SV2C: variants seen among roughly 807,000 people sequenced by gnomAD.
SV2C encodes synaptic vesicle glycoprotein 2C, also known as solute carrier family 22 member B3.
A neutral mutation model predicts 79.7 loss-of-function variants in SV2C; 49 were observed. That is an observed-to-expected ratio of 0.61 (90% CI 0.49 to 0.78). The LOEUF is 0.78. SV2C is among the 30% of genes least tolerant of loss of function. The pLI, the probability that SV2C is intolerant of heterozygous loss-of-function variation, is 0.00. For missense variants in SV2C, 833 were observed against 912.9 expected, an observed-to-expected ratio of 0.91 and a Z score of 1.13; for synonymous variants, 334 against 333.2, an observed-to-expected ratio of 1.00 and a Z score of -0.03.
At chr5:75,884,953 A>C in the SV2C span, among the ~76,000 whole-genome samples, 1 of 152,174 alleles carries the variant, frequency 6.6e-6, no homozygotes. Flanking sequence ...TTAAGATGCT[A>C]AATAACACTT....
the SV2C span, among the ~76,000 whole-genome samples, chr5:76,055,772 G>A: frequency 6.6e-6 from 1 of 152,054 alleles, no homozygotes; most frequent in Non-Finnish European, 1.5e-5. Context: ...GTTAATGGGA[G>A]TTCATTCATG....
At chr5:76,238,247 T>C (rs993113574) in intron 4 of SV2C, among the ~76,000 whole-genome samples, 11 of 152,084 alleles carry the variant, frequency 7.2e-5, no homozygotes, top group African/African-American at 2.2e-4. Flanking sequence ...AACCATTCTA[T>C]TGAGTTTTTA....
the SV2C span, among the ~76,000 whole-genome samples, chr5:76,071,331 C>T: frequency 2.6e-5 from 4 of 152,272 alleles, no homozygotes; most frequent in African/African-American, 9.6e-5. Context: ...ATAAAAGAAC[C>T]TGCAGTTCTG....
the SV2C span, chr5:75,910,966 C>A: frequency 2.2e-6 from 2 of 914,692 alleles, no homozygotes; most frequent in Non-Finnish European, 3.6e-6. Flanking sequence ...TCATTTATCC[C>A]CCAGTTCGAA....
At chr5:76,071,786 G>T in the SV2C span, among the ~76,000 whole-genome samples, 5 of 152,178 alleles carry the variant, frequency 3.3e-5, no homozygotes, top group Non-Finnish European at 7.4e-5. Flanking sequence ...CACTAATTTG[G>T]AGCAGGAAGA....
intron 1 of SV2C, among the ~76,000 whole-genome samples, chr5:76,110,017 A>G (rs915426510): frequency 2.6e-5 from 4 of 152,226 alleles, no homozygotes; most frequent in Admixed American, 2.6e-4. Context: ...ACATTTCATT[A>G]TGACCAGTCC....
Position 76,331,578 on chromosome 5 carries a change from A to G in SV2C, c.*6031A>G, listed in dbSNP as rs1183259196. On this transcript the variant is annotated 3_prime_UTR_variant, in exon 13 of 13. Coordinates refer to ENST00000502798, the MANE Select transcript of SV2C (RefSeq NM_014979.4). Reference sequence around the variant, plus strand: ...AGAGGGTAGTTGTCAGTGACCCTCTACCCTCCTCTGAGAGCCCCATTGCCA... The same window carrying G: ...AGAGGGTAGTTGTCAGTGACCCTCTGCCCTCCTCTGAGAGCCCCATTGCCA... 1 of 151,682 alleles carries G rather than the reference A, an allele frequency of 6.6e-6. No individual in the cohort carries two copies. Among genetic ancestry groups the G allele is most frequent in the African/African-American group, 2.4e-5 (1 of 41,200 alleles). 9.4% of individuals were successfully genotyped at this position (151,682 alleles called of 1,614,324 possible).
At chr5:76,245,737 G>C (rs886394193) in intron 4 of SV2C, among the ~76,000 whole-genome samples, 2 of 152,100 alleles carry the variant, frequency 1.3e-5, no homozygotes, top group Admixed American at 1.3e-4. Context: ...CAGCTGGCTT[G>C]GGGCATTTCG....
the SV2C span, among the ~76,000 whole-genome samples, chr5:75,945,244 A>G: frequency 6.6e-6 from 1 of 152,122 alleles, no homozygotes; most frequent in Non-Finnish European, 1.5e-5. Flanking sequence ...CCTGAACAAG[A>G]CAATCAATTT....
the SV2C span, among the ~76,000 whole-genome samples, chr5:75,898,537 G>A: frequency 6.6e-6 from 1 of 152,030 alleles, no homozygotes; most frequent in South Asian, 2.1e-4. Context: ...CTCTTTTTTG[G>A]TTGTGTCTCT....
At chr5:76,210,266 A>G (rs1279184380) in intron 4 of SV2C, among the ~76,000 whole-genome samples, 1 of 152,208 alleles carries the variant, frequency 6.6e-6, no homozygotes, top group Non-Finnish European at 1.5e-5. Context: ...GCACAGATTA[A>G]GGGCTCAGTC....
At chr5:76,276,133 C>G (rs562652390) in intron 4 of SV2C, among the ~76,000 whole-genome samples, 5 of 152,254 alleles carry the variant, frequency 3.3e-5, no homozygotes, top group South Asian at 4.2e-4. Context: ...GTGTAGCTCT[C>G]AAATTCAAAT....
At chr5:76,340,403 G>A (rs1749419130) in intron 12 of SV2C, among the ~76,000 whole-genome samples, 1 of 152,140 alleles carries the variant, frequency 6.6e-6, no homozygotes, top group African/African-American at 2.4e-5. Flanking sequence ...ATTCTTGTGT[G>A]AGGTCCAAGA....
chr5:76,132,754 G>A (rs1270497066), intron 2 of SV2C, among the ~76,000 whole-genome samples: 1 of 151,996 alleles, frequency 6.6e-6, no homozygotes, highest in Non-Finnish European at 1.5e-5. Flanking sequence ...TCTGACAATT[G>A]TGATTTCAAA....
intron 6 of SV2C, among the ~76,000 whole-genome samples, chr5:76,289,486 C>A (rs1346205941): frequency 6.6e-6 from 1 of 152,122 alleles, no homozygotes; most frequent in East Asian, 1.9e-4. Context: ...AGTCTCCAAG[C>A]CTCATCATTG....
At chr5:76,033,722 G>A in the SV2C span, among the ~76,000 whole-genome samples, 73 of 152,302 alleles carry the variant, frequency 4.8e-4, no homozygotes, top group African/African-American at 1.6e-3. Flanking sequence ...GATTGACTTG[G>A]CAATGAGGGC....
intron 1 of SV2C, among the ~76,000 whole-genome samples, chr5:76,126,227 A>T (rs1399505707): frequency 1.3e-5 from 2 of 152,208 alleles, no homozygotes; most frequent in African/African-American, 2.4e-5. Flanking sequence ...GCAAGATGTG[A>T]TTAGGCTAAG....
the SV2C span, among the ~76,000 whole-genome samples, chr5:75,978,322 A>C: frequency 6.6e-6 from 1 of 152,048 alleles, no homozygotes; most frequent in Non-Finnish European, 1.5e-5. Context: ...TCTCCTTCTT[A>C]TTCTCCAAAT....
At chr5:76,071,689 A>G in the SV2C span, among the ~76,000 whole-genome samples, 1 of 152,234 alleles carries the variant, frequency 6.6e-6, no homozygotes, top group East Asian at 1.9e-4. Flanking sequence ...TAACTTCCTG[A>G]GAGCTTACTA....
Sources: gnomAD v4.1 joint callset for allele counts (sites outside exome capture counted in the v4.1 genomes callset) on GRCh38, gnomAD v4.1.1 for gene constraint, MANE v1.5 for transcripts, NCBI Gene and HGNC (gene_info 2026-07-23, HGNC 2026-07-21) for gene names.